Variants in RYR2 observed in about 807,000 individuals in gnomAD.
The protein encoded by RYR2 is ryanodine receptor 2.
Under a neutral mutation model 601.1 loss-of-function variants are expected in RYR2, and 227 were observed. The observed-to-expected ratio is 0.38, with a 90% CI of 0.34 to 0.42. The LOEUF (loss-of-function observed/expected upper bound fraction) is 0.42. Among genes scored for constraint, RYR2 ranks in the 10% least tolerant of loss-of-function variants. The pLI, the probability that RYR2 is intolerant of heterozygous loss-of-function variation, is 1.00. For synonymous variants in RYR2, 2,223 were observed against 2,175.1 expected, an observed-to-expected ratio of 1.02 and a Z score of -0.61; for missense variants, 4,646 against 6,156.5, an observed-to-expected ratio of 0.75 and a Z score of 8.21.
intron 102 of RYR2, among the ~76,000 whole-genome samples, chr1:237,829,273 A>T (rs1663507553): frequency 6.6e-6 from 1 of 152,178 alleles, no homozygotes; most frequent in African/African-American, 2.4e-5. Flanking sequence ...TGAAGTAGAA[A>T]CTGGCAAGAA....
chr1:237,140,669 T>C (rs1571986934), intron 1 of RYR2, among the ~76,000 whole-genome samples: 1 of 152,304 alleles, frequency 6.6e-6, no homozygotes, highest in East Asian at 1.9e-4. Context: ...ATAAAATCTT[T>C]GAGATAATTT....
intron 76 of RYR2, 53 bp downstream of exon 76, chr1:237,727,252 G>A (rs1690276038): frequency 3.5e-6 from 3 of 848,894 alleles, no homozygotes; most frequent in Non-Finnish European, 5.5e-6. Context: ...TTCCTAGTAA[G>A]TGACAGGTGT....
intron 38 of RYR2, among the ~76,000 whole-genome samples, chr1:237,619,241 T>C (rs1678814185): frequency 6.6e-6 from 1 of 152,130 alleles, no homozygotes; most frequent in Non-Finnish European, 1.5e-5. Context: ...GTTAAAATTA[T>C]CTGATGAAGT....
At chr1:237,508,860 A>T (rs1389363972) in intron 23 of RYR2, among the ~76,000 whole-genome samples, 2 of 144,300 alleles carry the variant, frequency 1.4e-5, no homozygotes, top group African/African-American at 5.2e-5. Context: ...CTCCTGCCTC[A>T]GCCTCCCGAG....
rs768547151 is a variant in RYR2, at chr1:237,655,896, A to G, written c.8041A>G (p.Met2681Val). 5.0e-6 allele frequency: 8 copies of G among 1,611,700 alleles called. No individual in the cohort carries two copies. Among genetic ancestry groups the G allele is most frequent in the Admixed American group, 1.7e-5 (1 of 59,770 alleles). Residue 2681 changes from methionine to valine, a missense_variant, in exon 53 of 105, where the codon ATG becomes GTG. Met to Val is a conservative substitution (Grantham distance 21). This residue lies in a region of RYR2 where 1,497 missense variants were observed against 1,842.6 expected (regional missense o/e 0.81). Transcript: ENST00000366574. ...AVAGALPPDY[M>V]ESNYVSMMEK... ...TGCGGGAGCTTTGCCTCCAGACTAC[A>G]TGGAGTCAAATTATGTCAGTATGAT...
intron 79 of RYR2, among the ~76,000 whole-genome samples, chr1:237,740,006 G>A (rs1016591311): frequency 6.6e-6 from 1 of 151,976 alleles, no homozygotes; most frequent in Non-Finnish European, 1.5e-5. Context: ...TATGTATTTA[G>A]CTTATTCACC....
Position 237,726,318 on chromosome 1 carries a change from G to C in RYR2, c.10725+10G>C. 6.4e-7 allele frequency: 1 copy of C among 1,554,726 alleles called. No homozygotes were observed. The highest frequency in any genetic ancestry group is 8.8e-7 in the Non-Finnish European group (1 of 1,132,510). On this transcript the variant is annotated intron_variant, in intron 75 of 104. Coordinates refer to ENST00000366574, the MANE Select transcript of RYR2 (RefSeq NM_001035.3). ...GAGACATTACTGTCTGGGAAGTACA[G>C]TGCTCAATGGCCTAGAGATTACTAA...
intron 4 of RYR2, among the ~76,000 whole-genome samples, chr1:237,361,090 C>G (rs561705313): frequency 6.6e-6 from 1 of 152,324 alleles, no homozygotes; most frequent in African/African-American, 2.4e-5. Context: ...GATACTCCTG[C>G]CCTGGCCTCC....
chr1:237,671,813 A>G (rs750751405), intron 58 of RYR2, among the ~76,000 whole-genome samples: 8 of 152,082 alleles, frequency 5.3e-5, no homozygotes, highest in Non-Finnish European at 1.2e-4. Flanking sequence ...TGTAAGTCCA[A>G]AAAGTATGAT....
chr1:237,641,379 T>A (rs1172859107), intron 47 of RYR2, among the ~76,000 whole-genome samples: 3 of 152,190 alleles, frequency 2.0e-5, no homozygotes, highest in Non-Finnish European at 4.4e-5. Flanking sequence ...TTTAGCTCTA[T>A]GTGTTTGCCA....
rs199571708 is a variant in RYR2 at position 237,111,043 on chromosome 1, TC to T, written c.48+68475del. ...CCACTGGTCTTCCTTCTCTCTAGCTTCAACATCCTTCTGAAGAGCAATTGGG... is the reference window on the plus strand; with the variant it reads ...CCACTGGTCTTCCTTCTCTCTAGCTTAACATCCTTCTGAAGAGCAATTGGG... On this transcript the variant is annotated intron_variant, in intron 1 of 104. Coordinates refer to ENST00000366574, the MANE Select transcript of RYR2 (RefSeq NM_001035.3). Among the ~76,000 whole-genome samples, 12 of 152,270 alleles carry T rather than the reference TC, an allele frequency of 7.9e-5. No homozygotes were observed. The East Asian group carries it at 1.7e-3, about 22-fold the overall frequency.
intron 1 of RYR2, among the ~76,000 whole-genome samples, chr1:237,124,691 T>G (rs917391219): frequency 6.6e-6 from 1 of 152,156 alleles, no homozygotes; most frequent in Non-Finnish European, 1.5e-5. Flanking sequence ...GTCTTCTGCT[T>G]CTTCTATCTG....
chr1:237,492,604 G>A (rs1001685250), intron 18 of RYR2, among the ~76,000 whole-genome samples: 2 of 152,126 alleles, frequency 1.3e-5, no homozygotes, highest in Admixed American at 1.3e-4. Context: ...AATTGGGGAA[G>A]CCAAGATGGG....
intron 29 of RYR2, among the ~76,000 whole-genome samples, chr1:237,579,316 G>A (rs1224795809): frequency 6.8e-6 from 1 of 147,930 alleles, no homozygotes; most frequent in Non-Finnish European, 1.5e-5. Context: ...GACTGCAGTG[G>A]CGTGATCTTG....
At chr1:237,107,398 G>A (rs941758115) in intron 1 of RYR2, among the ~76,000 whole-genome samples, 2 of 151,040 alleles carry the variant, frequency 1.3e-5, no homozygotes, top group Admixed American at 1.3e-4. Flanking sequence ...GCGGGCGCCT[G>A]TAGTCCCAGC....
rs148002852 is a variant in RYR2 at position 237,416,925 on chromosome 1, A to G, written c.774-124A>G. The G allele has an allele frequency of 3.4e-4, 260 of 768,338 alleles. No homozygotes were observed. In the East Asian group the frequency reaches 5.9e-3, roughly 17 times the overall value. The allele number at this position is 768,338 out of a possible 1,614,324, so 47.6% of individuals were successfully genotyped here. On this transcript the variant is annotated intron_variant, in intron 10 of 104. Coordinates refer to ENST00000366574, the MANE Select transcript of RYR2 (RefSeq NM_001035.3). ...CTATACTGTCTCCTGCCAAAAAAGT[A>G]TAACTTTAACTGTTTACTCACAGGC...
chr1:237,127,826 T>A (rs1671687915), intron 1 of RYR2, among the ~76,000 whole-genome samples: 1 of 143,376 alleles, frequency 7.0e-6, no homozygotes, highest in African/African-American at 2.7e-5. Flanking sequence ...CTAGATAGGA[T>A]GGCGGCTGGG....
At chr1:237,269,674 G>C (rs1689487123) in intron 1 of RYR2, among the ~76,000 whole-genome samples, 1 of 152,126 alleles carries the variant, frequency 6.6e-6, no homozygotes. Context: ...ATTATGTAAG[G>C]TGCTTTATCG....
At chr1:237,183,496 C>T (rs1356082172) in intron 1 of RYR2, among the ~76,000 whole-genome samples, 1 of 152,038 alleles carries the variant, frequency 6.6e-6, no homozygotes, top group African/African-American at 2.4e-5. Context: ...TTGATAGTAG[C>T]TTAGGAAAGA....
Sources: allele counts gnomAD v4.1 joint callset (sites outside exome capture counted in the v4.1 genomes callset), GRCh38; gene constraint gnomAD v4.1.1; regional missense constraint gnomAD v4.1.1; transcripts MANE v1.5; gene names NCBI Gene and HGNC (gene_info 2026-07-23, HGNC 2026-07-21).